CPSF3: variants seen among roughly 807,000 people sequenced by gnomAD.
CPSF3 encodes the protein cleavage and polyadenylation specific factor 3, also known as cleavage and polyadenylation specificity factor subunit 3.
Under a neutral mutation model 84.1 loss-of-function variants are expected in CPSF3, and 57 were observed. That is an observed-to-expected ratio of 0.68 (90% CI 0.55 to 0.85). The LOEUF (loss-of-function observed/expected upper bound fraction) is 0.85, where lower values mean the gene tolerates loss of function less well. Ranked by LOEUF, CPSF3 falls within the 40% of genes least tolerant of loss-of-function variation. The pLI is 0.00. For missense variants in CPSF3, 522 were observed against 838.8 expected (o/e 0.62, Z 4.66); for synonymous variants, 275 against 278.1 (o/e 0.99, Z 0.11).
intron 17 of CPSF3, 78 bp downstream of exon 17, chr2:9,471,517 T>G (rs974684822): frequency 6.9e-6 from 6 of 867,274 alleles, no homozygotes; most frequent in Non-Finnish European, 9.9e-6. Flanking sequence ...GCTCTCACAC[T>G]CAACAGTCTA....
chr2:9,429,588 G>A (rs1680505501), intron 2 of CPSF3, among the ~76,000 whole-genome samples: 1 of 152,130 alleles, frequency 6.6e-6, no homozygotes, highest in Non-Finnish European at 1.5e-5. Context: ...TCTGGTAGTA[G>A]TAAATCTATA....
chr2:9,436,445 C>A, intron 7 of CPSF3, 84 bp downstream of exon 7: 1 of 1,414,832 alleles, frequency 7.1e-7, no homozygotes, highest in Non-Finnish European at 9.6e-7. Flanking sequence ...ATGAGTCATT[C>A]CACCGTTCTG....
At position 9,443,570 on chromosome 2, in the gene CPSF3, T is replaced by C. The variant is rs1433825304; in HGVS notation, c.1151T>C (p.Leu384Pro). 2 of 1,614,124 alleles carry C rather than the reference T, an allele frequency of 1.2e-6. No homozygotes were observed. Among genetic ancestry groups the C allele is most frequent in the Non-Finnish European group, 8.5e-7 (1 of 1,179,928 alleles). The change falls in exon 10 of 18, where the codon CTG becomes CCG. Residue 384 changes from leucine (L) to proline (P), a missense_variant. Coordinates refer to ENST00000238112, the MANE Select transcript of CPSF3 (RefSeq NM_016207.4). ...ITTMSGQKLP[L>P]KMSVDYISFS... is the part of the protein sequence containing the mutation. The stretch of plus-strand genomic sequence containing the variant: ...ACTATGTCTGGACAGAAGTTACCAC[T>C]GAAAATGTCTGTTGATTACATTTCT...
At chr2:9,443,075 C>T (rs1198235536) in intron 9 of CPSF3, among the ~76,000 whole-genome samples, 2 of 152,050 alleles carry the variant, frequency 1.3e-5, no homozygotes. Flanking sequence ...AGGCAGGAGG[C>T]TTGCTTGAAC....
At chr2:9,466,350 G>T (rs1313852991) in intron 15 of CPSF3, among the ~76,000 whole-genome samples, 1 of 108,186 alleles carries the variant, frequency 9.2e-6, no homozygotes, top group East Asian at 2.2e-4. Context: ...ACGCGCGCGC[G>T]CGCACACACA....
intron 15 of CPSF3, among the ~76,000 whole-genome samples, chr2:9,464,071 G>GTA (rs756526728): frequency 1.3e-5 from 2 of 149,566 alleles, no homozygotes; most frequent in African/African-American, 4.9e-5. Context: ...TGTGGTGTAT[G>GTA]TGTGTGTGTG....
chr2:9,431,496 A>G (rs539501750), intron 4 of CPSF3, among the ~76,000 whole-genome samples: 1 of 150,038 alleles, frequency 6.7e-6, no homozygotes, highest in African/African-American at 2.5e-5. Flanking sequence ...CCTAATGTAT[A>G]TTAACTTCAC....
At chr2:9,435,123 G>T (rs920138757) in intron 6 of CPSF3, among the ~76,000 whole-genome samples, 2 of 152,194 alleles carry the variant, frequency 1.3e-5, no homozygotes, top group African/African-American at 4.8e-5. Context: ...ATATTGCTAA[G>T]ATACAAATTC....
rs572253527 is a variant in CPSF3, at chr2:9,458,867, C to T, written c.1699-664C>T. The stretch of plus-strand genomic sequence containing the variant: ...GTGGCTCATGCCTGTAATCCCAGCA[C>T]TTTGGGAGGCCGAGGTGGGCGGATC... On this transcript the variant is annotated intron_variant, in intron 14 of 17. Coordinates refer to ENST00000238112, the MANE Select transcript of CPSF3 (RefSeq NM_016207.4). 8.5e-5 allele frequency among the ~76,000 whole-genome samples: 13 copies of T among 152,194 alleles called. No homozygotes were observed. The South Asian group carries it at 2.7e-3, about 32-fold the overall frequency.
chr2:9,472,993 C>G lies in CPSF3; in HGVS notation c.2031C>G (p.Tyr677Ter). The change falls in exon 18 of 18, where the codon TAC becomes TAG. Residue 677 changes from tyrosine to a stop codon, truncating the protein, a stop_gained. Transcript: ENST00000238112. LOFTEE classifies it high-confidence loss of function. The part of the protein sequence containing the change: ...EMVELAAQRL[Y>*]EALTPVH Reference sequence around the variant, plus strand: ...TGGAGCTGGCTGCACAGAGACTGTACGAGGCCCTGACGCCAGTTCACTGAG... The same window carrying G: ...TGGAGCTGGCTGCACAGAGACTGTAGGAGGCCCTGACGCCAGTTCACTGAG... 5.0e-6 allele frequency: 8 copies of G among 1,613,230 alleles called. No homozygotes were observed. Among genetic ancestry groups the G allele is most frequent in the Non-Finnish European group, 6.8e-6 (8 of 1,179,584 alleles).
intron 12 of CPSF3, among the ~76,000 whole-genome samples, chr2:9,454,862 C>T (rs1332284993): frequency 6.6e-6 from 1 of 151,906 alleles, no homozygotes; most frequent in Non-Finnish European, 1.5e-5. Flanking sequence ...TACTCTTATG[C>T]CACATAGTCC....
intron 7 of CPSF3, among the ~76,000 whole-genome samples, 182 bp from the exon 8 acceptor site, chr2:9,440,309 G>T (rs1558454010): frequency 6.6e-6 from 1 of 152,016 alleles, no homozygotes; most frequent in African/African-American, 2.4e-5. Context: ...AATAAGTTTT[G>T]GTTTTGTAAA....
At position 9,429,770 on chromosome 2, in the gene CPSF3, T is replaced by C. The variant is rs936050942; in HGVS notation, c.115-153T>C. 1.4e-4 allele frequency among the ~76,000 whole-genome samples: 22 copies of C among 152,246 alleles called. 1 individual carries two copies. The highest frequency in any genetic ancestry group is 1.4e-3 in the Admixed American group (22 of 15,282). ...GGAAGTTAGAATTGTTAATGGCATA[T>C]TTGCCACATTTAATAAGAATCATGT... On this transcript the variant is annotated intron_variant, in intron 2 of 17. Transcript: ENST00000238112.
At chr2:9,432,194 GA>G (rs943367497) in intron 4 of CPSF3, among the ~76,000 whole-genome samples, 1 of 152,066 alleles carries the variant, frequency 6.6e-6, no homozygotes, top group Non-Finnish European at 1.5e-5. Context: ...GTTGGGGTGG[GA>G]AAAAAGTTTG....
chr2:9,454,756 G>A (rs531149556), intron 12 of CPSF3, among the ~76,000 whole-genome samples: 3 of 152,032 alleles, frequency 2.0e-5, no homozygotes, highest in African/African-American at 7.2e-5. Flanking sequence ...GTGTTAGCCA[G>A]GATGGTCTCG....
intron 1 of CPSF3, among the ~76,000 whole-genome samples, chr2:9,428,233 G>T (rs576258796): frequency 6.6e-6 from 1 of 151,168 alleles, no homozygotes; most frequent in Non-Finnish European, 1.5e-5. Flanking sequence ...TCCTGATCTC[G>T]TGATCTGCCT....
intron 3 of CPSF3, 114 bp from the exon 4 acceptor site, chr2:9,430,638 A>G (rs1680553098): frequency 4.3e-6 from 4 of 920,098 alleles, no homozygotes; most frequent in Non-Finnish European, 5.0e-6. Context: ...TTCTGAAAGT[A>G]TCAGCACATA....
chr2:9,455,218 CCTCTGCCTCCTGGGTTCAAGCAATT>C (rs1681482517), intron 12 of CPSF3, among the ~76,000 whole-genome samples: 1 of 151,680 alleles, frequency 6.6e-6, no homozygotes, highest in African/African-American at 2.4e-5. Context: ...CTCACTTCTG[CCTCTGCCTCCTGGGTTCAAGCAATT>C]CTCTGCCTCA....
chr2:9,448,097 T>C, intron 10 of CPSF3, 101 bp from the exon 11 acceptor site: 1 of 619,844 alleles, frequency 1.6e-6, no homozygotes, highest in Non-Finnish European at 2.5e-6. Flanking sequence ...TATGTCTCTA[T>C]TTCATATATT....
Sources: gnomAD v4.1 joint callset for allele counts (sites outside exome capture counted in the v4.1 genomes callset) on GRCh38, gnomAD v4.1.1 for gene constraint, MANE v1.5 for transcripts, NCBI Gene and HGNC (gene_info 2026-07-23, HGNC 2026-07-21) for gene names.